Variants in LRRC57 observed in about 807,000 individuals in gnomAD.
The protein encoded by LRRC57 is leucine rich repeat containing 57.
LRRC57 carries 14 observed loss-of-function variants against 23.1 expected under a neutral mutation model. That is an observed-to-expected ratio of 0.61 (90% CI 0.40 to 0.95). The LOEUF is 0.95. LRRC57 is among the 40% of genes least tolerant of loss of function. LRRC57 has a pLI of 0.00. For synonymous variants in LRRC57, 106 were observed against 115.2 expected (o/e 0.92, Z 0.51); for missense variants, 236 against 284.4 (o/e 0.83, Z 1.22).
At chr15:42,534,255 T>C (rs1420447663), downstream of LRRC57, among the ~76,000 whole-genome samples, 2 of 152,154 alleles carry the variant, frequency 1.3e-5, no homozygotes, top group East Asian at 3.9e-4. Flanking sequence ...CTCAGCCTCC[T>C]GAGTAGCTGG....
chr15:42,544,639 A>C (rs1278318067), intron 5 of LRRC57, among the ~76,000 whole-genome samples: 1 of 151,874 alleles, frequency 6.6e-6, no homozygotes, highest in African/African-American at 2.4e-5. Flanking sequence ...CTTGGCGAAC[A>C]AGGCAAAACC....
rs548517762 is a variant in LRRC57, at chr15:42,539,956, G to C, written c.*4127C>G. ...ACGCCTGCAATTCCCAGCATTTTGG[G>C]AGGCCAAGGCAGGTGGATCAACTGA... On this transcript the variant is annotated 3_prime_UTR_variant, in exon 6 of 6. Transcript: ENST00000397130. The C allele has an allele frequency of 7.2e-4, 109 of 152,324 alleles. 1 individual carries two copies. Among genetic ancestry groups the C allele is most frequent in the African/African-American group, 2.5e-3 (103 of 41,554 alleles). 9.4% of individuals were successfully genotyped at this position (152,324 alleles called of 1,614,324 possible). A position where few individuals can be genotyped will look rare whatever the true frequency, so the allele number is the denominator to read the frequency against.
intron 4 of LRRC57, among the ~76,000 whole-genome samples, chr15:42,546,422 A>G (rs1292536027): frequency 2.0e-5 from 3 of 152,280 alleles, no homozygotes; most frequent in South Asian, 2.1e-4. Context: ...AAGAAGCTCT[A>G]TAACATACAA....
At chr15:42,532,723 A>C in the LRRC57 span, 10 of 152,682 alleles carry the variant, frequency 6.5e-5, no homozygotes, top group Non-Finnish European at 8.8e-5. Flanking sequence ...GGAAAAAGGA[A>C]AGTCATTTTG....
At chr15:42,547,933 G>C (rs555581690) in intron 3 of LRRC57, 173 bp downstream of exon 3, 1 of 637,980 alleles carries the variant, frequency 1.6e-6, no homozygotes, top group East Asian at 2.7e-5. Context: ...TCATTATAAG[G>C]CTTATTTTAG....
rs1034205118 is a variant in LRRC57, at chr15:42,548,198, T to A, written c.131A>T (p.Asp44Val). 1.9e-6 allele frequency: 3 copies of A among 1,614,086 alleles called. No homozygotes were observed. Among genetic ancestry groups the A allele is most frequent in the Non-Finnish European group, 2.5e-6 (3 of 1,180,034 alleles). The stretch of plus-strand genomic sequence containing the variant: ...GCTTTCGATCTTGTTGTTGGACAAG[T>A]CGATGGTCCTGAGATTGCTCGTCAG... The part of the protein sequence containing the change: ...QKLTSNLRTI[D>V]LSNNKIESLP... Residue 44 changes from aspartate (D) to valine (V), a missense_variant, in exon 3 of 6, where the codon GAC (aspartate) becomes GTC (valine). Transcript: ENST00000397130.
At chr15:42,531,438 A>T in the LRRC57 span, 4 of 1,596,044 alleles carry the variant, frequency 2.5e-6, no homozygotes, top group African/African-American at 5.4e-5. Flanking sequence ...GATCGTATTG[A>T]TATTGCCAAT....
At chr15:42,544,360 TCAGACCAGC>T (rs144834880) in intron 5 of LRRC57, among the ~76,000 whole-genome samples, 15,250 of 151,832 alleles carry the variant, frequency 0.1, 842 homozygotes, top group South Asian at 0.17. Context: ...CCTAGGAGTT[TCAGACCAGC>T]CTGAGCAATC....
rs1404660518 is a variant in LRRC57, at chr15:42,548,437, T to C, written c.-3A>G. On this transcript the variant is annotated 5_prime_UTR_variant, in exon 2 of 6. Coordinates refer to ENST00000397130, the MANE Select transcript of LRRC57 (RefSeq NM_153260.3). The stretch of plus-strand genomic sequence containing the variant: ...GCGCGGAGCGCACTGTTTCCCATCC[T>C]AGCGCCGCGGCTCAGGTCCCTGCGG... The C allele has an allele frequency of 3.1e-6, 5 of 1,613,322 alleles. No individual in the cohort carries two copies. The highest frequency in any genetic ancestry group is 3.4e-6 in the Non-Finnish European group (4 of 1,179,974).
At chr15:42,528,871 C>T in the LRRC57 span, among the ~76,000 whole-genome samples, 66 of 152,346 alleles carry the variant, frequency 4.3e-4, no homozygotes, top group African/African-American at 1.5e-3. Flanking sequence ...CAGGCATAAG[C>T]TACCACACCT....
At position 42,548,741 on chromosome 15, in the gene LRRC57, C is replaced by T. The variant is rs1381910755; in HGVS notation, c.-71G>A. The T allele has an allele frequency of 2.9e-6, 2 of 683,746 alleles. No homozygotes were observed. The highest frequency in any genetic ancestry group is 1.8e-5 in the African/African-American group (1 of 55,548). The allele number at this position is 683,746 out of a possible 1,614,324, so 42.4% of individuals were successfully genotyped here. On this transcript the variant is annotated 5_prime_UTR_variant, in exon 1 of 6. Transcript: ENST00000397130. ...GGCTCCGCAGGTGAAGACCCAGGAC[C>T]CGCAGTAGCCGGGATGCGCTCCCCG...
intron 4 of LRRC57, among the ~76,000 whole-genome samples, chr15:42,546,326 T>A (rs1237992236): frequency 1.3e-5 from 2 of 152,180 alleles, no homozygotes; most frequent in Non-Finnish European, 2.9e-5. Flanking sequence ...AGAGAACCAC[T>A]GAATAAAGGT....
chr15:42,533,768 C>T (rs1385200063), downstream of LRRC57, among the ~76,000 whole-genome samples: 1 of 152,192 alleles, frequency 6.6e-6, no homozygotes, highest in African/African-American at 2.4e-5. Flanking sequence ...ACTGAGGGTT[C>T]AGTTCTAGAC....
chr15:42,538,684 T>C lies in LRRC57; in HGVS notation c.*5399A>G, dbSNP rs1185736187. On this transcript the variant is annotated 3_prime_UTR_variant, in exon 6 of 6. Transcript: ENST00000397130. ...GATTTACTGAGTGCTTACTCTGTCA[T>C]GGCCACTATGCTAAGTGCTTTTATA... 1 of 152,254 alleles carries C rather than the reference T, an allele frequency of 6.6e-6. No individual in the cohort carries two copies. The allele number at this position is 152,254 out of a possible 1,614,324, so 9.4% of individuals were successfully genotyped here.
chr15:42,545,190 C>T lies in LRRC57; in HGVS notation c.565G>A (p.Glu189Lys). The T allele has an allele frequency of 6.2e-7, 1 of 1,611,046 alleles. No homozygotes were observed. Among genetic ancestry groups the T allele is most frequent in the Non-Finnish European group, 8.5e-7 (1 of 1,178,804 alleles). The change falls in exon 5 of 6, where the codon GAG becomes AAG. Residue 189 changes from glutamate (E) to lysine (K), a missense_variant. Transcript: ENST00000397130. ...ATGCTCTGGGGAAGCATGCTGAGCT[C>T]AAGACAATTCTCTTCCAGGCGAAGA... ...KILRLEENCLELSMLPQSILS... is the reference protein window; with the variant it reads ...KILRLEENCLKLSMLPQSILS...
At chr15:42,534,772 T>A (rs544869514), downstream of LRRC57, among the ~76,000 whole-genome samples, 1 of 152,382 alleles carries the variant, frequency 6.6e-6, no homozygotes, top group African/African-American at 2.4e-5. Flanking sequence ...TATACTCTGA[T>A]GCTCACTATC....
chr15:42,528,516 A>T, the LRRC57 span: 1 of 1,178,330 alleles, frequency 8.5e-7, no homozygotes, highest in Non-Finnish European at 1.2e-6. Context: ...TAAAACAAAT[A>T]AAAATTGTAT....
chr15:42,528,452 T>C, the LRRC57 span: 1 of 1,600,628 alleles, frequency 6.2e-7, no homozygotes, highest in Non-Finnish European at 8.6e-7. Flanking sequence ...TTCCTGTACC[T>C]TTCTTAATGA....
rs1418722561 is a variant in LRRC57 at position 42,542,671 on chromosome 15, A to G, written c.*1412T>C. ...ATACAAAAAGGGAAAGGTTACCAGA[A>G]ATAAGACATTATTTCTAACAAATCT... On this transcript the variant is annotated 3_prime_UTR_variant, in exon 6 of 6. Transcript: ENST00000397130. 6.6e-6 allele frequency: 1 copy of G among 152,648 alleles called. No individual in the cohort carries two copies. Among genetic ancestry groups the G allele is most frequent in the African/African-American group, 2.4e-5 (1 of 41,450 alleles). 9.5% of individuals were successfully genotyped at this position (152,648 alleles called of 1,614,324 possible).
Sources: gnomAD v4.1 joint callset for allele counts (sites outside exome capture counted in the v4.1 genomes callset) on GRCh38, gnomAD v4.1.1 for gene constraint, MANE v1.5 for transcripts, NCBI Gene and HGNC (gene_info 2026-07-23, HGNC 2026-07-21) for gene names.